The following RASA3 variants were observed in gnomAD, a reference collection of about 807,000 sequenced individuals.
RASA3 encodes RAS p21 protein activator 3, also known as ras GTPase-activating protein 3.
In RASA3, 73 loss-of-function variants were observed where a neutral mutation model predicts 110.0. The ratio of observed to expected loss-of-function variants is 0.66; its 90% CI spans 0.55 to 0.81. The LOEUF (loss-of-function observed/expected upper bound fraction) is 0.81. RASA3 is among the 30% of genes least tolerant of loss of function. The pLI, the probability that RASA3 is intolerant of heterozygous loss-of-function variation, is 0.00. For missense variants in RASA3, 976 were observed against 1,113.2 expected, an observed-to-expected ratio of 0.88 and a Z score of 1.75; for synonymous variants, 500 against 451.4, an observed-to-expected ratio of 1.11 and a Z score of -1.37.
At chr13:114,043,847 CCGCCTCACTCGCTGAG>C (rs1363350692) in intron 3 of RASA3, among the ~76,000 whole-genome samples, 4 of 61,902 alleles carry the variant, frequency 6.5e-5, no homozygotes, top group South Asian at 5.8e-4. Context: ...GCCCCCCGCC[CCGCCTCACTCGCTGAG>C]CCCCCCCGCC....
chr13:114,068,208 A>G (rs1418279149), intron 2 of RASA3, among the ~76,000 whole-genome samples: 2 of 152,084 alleles, frequency 1.3e-5, no homozygotes, highest in African/African-American at 2.4e-5. Flanking sequence ...CGCAGGAGCA[A>G]CTCCACAGAA....
Position 114,007,390 on chromosome 13 carries a change from TCCTGCCCTGCTGG to T in RASA3, c.1742+130_1742+142del. 1.7e-5 allele frequency: 4 copies of T among 238,118 alleles called. 1 individual carries two copies. Among genetic ancestry groups the T allele is most frequent in the Non-Finnish European group, 2.7e-5 (4 of 148,462 alleles). 14.8% of individuals were successfully genotyped at this position (238,118 alleles called of 1,614,324 possible). A position where few individuals can be genotyped will look rare whatever the true frequency, so the allele number is the denominator to read the frequency against. ...CGGACGCCACCTTACCCTTCTCCCC[TCCTGCCCTGCTGG>T]ACGCCACCTTACCCTTCTCCCCTCC... On this transcript the variant is annotated intron_variant, in intron 18 of 23. Transcript: ENST00000334062.
In RASA3 at chr13:114,007,824, G is replaced by A. The variant is rs530616172; in HGVS notation, c.1669-218C>T. Among the ~76,000 whole-genome samples the A allele has an allele frequency of 1.5e-4, 23 of 152,344 alleles. No individual in the cohort carries two copies. The East Asian group carries it at 2.9e-3, about 19-fold the overall frequency. The stretch of plus-strand genomic sequence containing the variant: ...CCACAGAGATCTCAGGTGAGAGGCC[G>A]GGCTCAGGCAACACCTGGGGATCAA... On this transcript the variant is annotated intron_variant, in intron 17 of 23. Coordinates refer to ENST00000334062, the MANE Select transcript of RASA3 (RefSeq NM_007368.4).
At chr13:114,016,131 G>C (rs1477853192) in intron 13 of RASA3, 66 bp downstream of exon 13, 10 of 1,408,530 alleles carry the variant, frequency 7.1e-6, no homozygotes, top group Non-Finnish European at 9.0e-6. Flanking sequence ...AGAGCTTCCA[G>C]GCAGCCATCG....
chr13:114,021,591 C>A, intron 8 of RASA3, 83 bp from the exon 9 acceptor site: 1 of 1,156,524 alleles, frequency 8.6e-7, no homozygotes, highest in East Asian at 2.4e-5. Flanking sequence ...TTTGTTCCCC[C>A]AGGAGCAGAA....
rs2080103578 is a variant in RASA3, at chr13:114,104,291, T to TGATGCGTCCACACTGC, written c.55+28143_55+28144insGCAGTGTGGACGCATC. Among the ~76,000 whole-genome samples the TGATGCGTCCACACTGC allele has an allele frequency of 1.1e-4, 2 of 17,890 alleles. 1 individual carries two copies. The highest frequency in any genetic ancestry group is 1.9e-4 in the Non-Finnish European group (2 of 10,618). The allele number at this position is 17,890 out of a possible 152,430, so 11.7% of individuals were successfully genotyped here. A position where few individuals can be genotyped will look rare whatever the true frequency, so the allele number is the denominator to read the frequency against. On this transcript the variant is annotated intron_variant, in intron 1 of 23. Transcript: ENST00000334062. ...ACCCACCCCTGATGCGTCCACGCTGTCCCCGGCCACGGACACCCACCCCCG... is the reference window on the plus strand; with the variant it reads ...ACCCACCCCTGATGCGTCCACGCTGTGATGCGTCCACACTGCCCCCGGCCACGGACACCCACCCCCG...
chr13:114,101,801 G>T (rs911925399), intron 1 of RASA3, among the ~76,000 whole-genome samples: 3 of 152,194 alleles, frequency 2.0e-5, no homozygotes, highest in Admixed American at 2.0e-4. Flanking sequence ...TCACCTGCTG[G>T]ATTCCAAAGT....
chr13:114,030,347 C>T (rs1297184094), intron 4 of RASA3, among the ~76,000 whole-genome samples: 1 of 150,296 alleles, frequency 6.7e-6, no homozygotes, highest in Non-Finnish European at 1.5e-5. Flanking sequence ...CCTCGGAGAG[C>T]TCACACAGAG....
Position 113,981,829 on chromosome 13 carries a change from C to G in RASA3, c.2275G>C (p.Gly759Arg), listed in dbSNP as rs1183874832. 6.2e-7 allele frequency: 1 copy of G among 1,613,780 alleles called. No homozygotes were observed. Residue 759 changes from glycine to arginine, a missense_variant, in exon 23 of 24, where the codon GGC becomes CGC. By Grantham distance (125) the Gly-to-Arg change is moderately radical. Transcript: ENST00000334062. ...GTCGAATACTCCTCCTGCTCCGGGC[C>G]GTCATACACAGATTTGCTCCCACAG... ...EACGSKSVYD[G>R]PEQEEYSTFV...
chr13:114,091,202 G>T (rs900533503), intron 1 of RASA3, among the ~76,000 whole-genome samples: 3 of 151,982 alleles, frequency 2.0e-5, no homozygotes, highest in African/African-American at 4.8e-5. Flanking sequence ...AAGATGAAGG[G>T]TCTGGGGCCA....
intron 2 of RASA3, among the ~76,000 whole-genome samples, chr13:114,054,451 G>A (rs978567626): frequency 6.6e-6 from 1 of 151,844 alleles, no homozygotes; most frequent in African/African-American, 2.4e-5. Context: ...AGGTGGGAGG[G>A]GCCCAGAGTC....
rs1368142082 is a variant in RASA3, at chr13:114,115,546, T to A, written c.55+16889A>T. Reference sequence around the variant, plus strand: ...GACTCATGCCCTAGAGATAAAGCCGTCGGAGGCAGAGTGCAGGCCTCGAAG... The same window carrying A: ...GACTCATGCCCTAGAGATAAAGCCGACGGAGGCAGAGTGCAGGCCTCGAAG... On this transcript the variant is annotated intron_variant, in intron 1 of 23. Transcript: ENST00000334062. The surrounding 1 kb of genome is among the most constrained non-coding windows in gnomAD (Gnocchi z 5.0). Among the ~76,000 whole-genome samples, 1 of 152,162 alleles carries A rather than the reference T, an allele frequency of 6.6e-6. No individual in the cohort carries two copies. The highest frequency in any genetic ancestry group is 1.5e-5 in the Non-Finnish European group (1 of 68,034).
intron 3 of RASA3, among the ~76,000 whole-genome samples, chr13:114,043,665 G>A (rs1336619860): frequency 1.3e-5 from 2 of 152,054 alleles, no homozygotes; most frequent in African/African-American, 2.4e-5. Context: ...AGAACCAAGG[G>A]GGCCGGCACA....
chr13:113,999,457 G>A lies in RASA3; in HGVS notation c.1932+128C>T, dbSNP rs2053332022. ...ACCTGGTGAACAACCCGAGTAACAC[G>A]AAGACTCTGAGAAGCCTGGAGTGCA... On this transcript the variant is annotated intron_variant, in intron 20 of 23. Coordinates refer to ENST00000334062, the MANE Select transcript of RASA3 (RefSeq NM_007368.4). 1.3e-5 allele frequency: 9 copies of A among 719,582 alleles called. 1 individual carries two copies. Among genetic ancestry groups the A allele is most frequent in the Admixed American group, 2.2e-5 (1 of 44,794 alleles). The allele number at this position is 719,582 out of a possible 1,614,324, so 44.6% of individuals were successfully genotyped here.
At chr13:114,002,069 G>A (rs1200102583) in intron 18 of RASA3, among the ~76,000 whole-genome samples, 1 of 152,244 alleles carries the variant, frequency 6.6e-6, no homozygotes, top group East Asian at 1.9e-4. Context: ...GCCGGGCAGG[G>A]GTCCCTGACC....
At chr13:114,019,519 G>C (rs975094832) in intron 9 of RASA3, among the ~76,000 whole-genome samples, 16 of 151,420 alleles carry the variant, frequency 1.1e-4, no homozygotes, top group Admixed American at 9.8e-4. Context: ...CCATCAGGTG[G>C]GTGGAGCCTG....
At chr13:114,036,490 T>C (rs2054280145) in intron 4 of RASA3, among the ~76,000 whole-genome samples, 1 of 152,228 alleles carries the variant, frequency 6.6e-6, no homozygotes, top group African/African-American at 2.4e-5. Context: ...TGACATCTTA[T>C]GATGAAACGG....
At chr13:114,063,619 C>T (rs1349007937) in intron 2 of RASA3, among the ~76,000 whole-genome samples, 6 of 152,210 alleles carry the variant, frequency 3.9e-5, no homozygotes, top group Non-Finnish European at 8.8e-5. Flanking sequence ...CACGTGTGTG[C>T]GTGGACAGCA....
chr13:114,013,964 CT>C lies in RASA3; in HGVS notation c.1406-717del, dbSNP rs1355829958. ...TCTCTATCTCTCTGTCTCTCTCTCT[CT>C]CTCTCCGTCTCGATCTCTCTCTCCA... On this transcript the variant is annotated intron_variant, in intron 14 of 23. Transcript: ENST00000334062. Among the ~76,000 whole-genome samples the C allele has an allele frequency of 7.2e-3, 1,085 of 150,690 alleles. 56 individuals are homozygous for C. Among genetic ancestry groups the C allele is most frequent in the African/African-American group, 0.026 (1,048 of 40,582 alleles).
Sources: gnomAD v4.1 joint callset for allele counts (sites outside exome capture counted in the v4.1 genomes callset) on GRCh38, gnomAD v4.1.1 for gene constraint, Gnocchi (gnomAD v3.1) non-coding constraint, MANE v1.5 for transcripts, NCBI Gene and HGNC (gene_info 2026-07-23, HGNC 2026-07-21) for gene names.